GNAZ: variants seen among roughly 807,000 people sequenced by gnomAD.
GNAZ encodes the protein guanine nucleotide-binding protein G(z) subunit alpha.
In GNAZ, 3 loss-of-function variants were observed where a neutral mutation model predicts 25.4. That is an observed-to-expected ratio of 0.12 (90% CI 0.05 to 0.30). The LOEUF (loss-of-function observed/expected upper bound fraction) is 0.30, where lower values mean the gene tolerates loss of function less well. Ranked by LOEUF, GNAZ falls within the 10% of genes least tolerant of loss-of-function variation. The probability of loss-of-function intolerance (pLI) is 1.00; values close to 1 mark genes in which losing one functional copy is unlikely to be tolerated. For missense variants in GNAZ, 241 were observed against 501.8 expected (o/e 0.48, Z 4.97); for synonymous variants, 211 against 205.7 (o/e 1.03, Z -0.22).
chr22:23,117,888 C>A (rs549502987), intron 2 of GNAZ, among the ~76,000 whole-genome samples: 1 of 152,308 alleles, frequency 6.6e-6, no homozygotes, highest in African/African-American at 2.4e-5. Context: ...TCACCACCCC[C>A]ACAACTAACC....
chr22:23,123,894 C>T lies in GNAZ; in HGVS notation c.*463C>T, dbSNP rs1014736386. 3 of 213,178 alleles carry T rather than the reference C, an allele frequency of 1.4e-5. No homozygotes were observed. Among genetic ancestry groups the T allele is most frequent in the South Asian group, 8.0e-5 (1 of 12,492 alleles). The allele number at this position is 213,178 out of a possible 1,614,324, so 13.2% of individuals were successfully genotyped here. A position where few individuals can be genotyped will look rare whatever the true frequency, so the allele number is the denominator to read the frequency against. On this transcript the variant is annotated 3_prime_UTR_variant, in exon 3 of 3. Coordinates refer to ENST00000615612, the MANE Select transcript of GNAZ (RefSeq NM_002073.4). ...CCGAGCTCTGGCCTAGGGACCTTGC[C>T]GCTGACCAAGAGGGAGGACCAGTGC...
In GNAZ at chr22:23,075,680, G is replaced by T. The variant is rs574707600; in HGVS notation, c.-450+5110G>T. ...GGGCCTTACACATAGTGTCAAGCCC[G>T]GGGGTGTTCCTTCTAGCAGCCTCCA... is the stretch of plus-strand genomic sequence containing the variant. On this transcript the variant is annotated intron_variant, in intron 1 of 2. Transcript: ENST00000615612. Among the ~76,000 whole-genome samples, 3 of 152,224 alleles carry T rather than the reference G, an allele frequency of 2.0e-5. No individual in the cohort carries two copies. The South Asian group carries it at 6.2e-4, about 32-fold the overall frequency.
At chr22:23,111,759 TGGGCAAGCGGCCAGGCTCCACA>T (rs761817019) in intron 2 of GNAZ, among the ~76,000 whole-genome samples, 1 of 152,162 alleles carries the variant, frequency 6.6e-6, no homozygotes, top group Non-Finnish European at 1.5e-5. Flanking sequence ...AGCAGGGTCG[TGGGCAAGCGGCCAGGCTCCACA>T]GGGCAAGCCC....
At position 23,095,056 on chromosome 22, in the gene GNAZ, C is replaced by T. The variant is rs575786112; in HGVS notation, c.-449-191C>T. Among the ~76,000 whole-genome samples the T allele has an allele frequency of 5.9e-5, 9 of 152,350 alleles. No individual in the cohort carries two copies. In the South Asian group the frequency reaches 1.9e-3, roughly 32 times the overall value. ...TTCAGGTGGACTGTCCAGGCAACAGCAGACATATGTGTTACACCATGGTGT... is the reference window on the plus strand; with the variant it reads ...TTCAGGTGGACTGTCCAGGCAACAGTAGACATATGTGTTACACCATGGTGT... On this transcript the variant is annotated intron_variant, in intron 1 of 2. Coordinates refer to ENST00000615612, the MANE Select transcript of GNAZ (RefSeq NM_002073.4).
chr22:23,086,634 C>A (rs758741650), intron 1 of GNAZ, among the ~76,000 whole-genome samples: 1 of 152,196 alleles, frequency 6.6e-6, no homozygotes, highest in Non-Finnish European at 1.5e-5. Context: ...AGACCCTCCC[C>A]GGGGCCCAGC....
intron 2 of GNAZ, among the ~76,000 whole-genome samples, chr22:23,104,839 G>A (rs2069413922): frequency 6.6e-6 from 1 of 152,218 alleles, no homozygotes; most frequent in Non-Finnish European, 1.5e-5. Context: ...GGCCCCACTG[G>A]CTCAGTCTAG....
intron 2 of GNAZ, among the ~76,000 whole-genome samples, chr22:23,119,470 T>A (rs1411474073): frequency 1.3e-5 from 2 of 152,202 alleles, no homozygotes; most frequent in East Asian, 3.8e-4. Context: ...TGCAGGCCTC[T>A]GGTCTAGGAA....
chr22:23,094,586 CCTT>C (rs1353942578), intron 1 of GNAZ, among the ~76,000 whole-genome samples: 3 of 152,240 alleles, frequency 2.0e-5, no homozygotes, highest in Non-Finnish European at 2.9e-5. Flanking sequence ...CCCTCTACCT[CCTT>C]CTGCAGGAGT....
intron 1 of GNAZ, among the ~76,000 whole-genome samples, chr22:23,088,189 C>T (rs191906824): frequency 2.0e-5 from 3 of 152,298 alleles, no homozygotes; most frequent in Non-Finnish European, 4.4e-5. Context: ...CCCATACTCA[C>T]GCAGCAAGTC....
chr22:23,117,375 C>G (rs959989951), intron 2 of GNAZ, among the ~76,000 whole-genome samples: 5 of 152,224 alleles, frequency 3.3e-5, no homozygotes, highest in African/African-American at 9.7e-5. Flanking sequence ...GCCACAGGAG[C>G]CTCCCAAAGA....
intron 1 of GNAZ, among the ~76,000 whole-genome samples, chr22:23,080,409 A>G (rs2068643059): frequency 1.3e-5 from 2 of 152,096 alleles, no homozygotes; most frequent in African/African-American, 4.8e-5. Context: ...GCAGAAGGAC[A>G]CTGGGAGGCC....
intron 2 of GNAZ, among the ~76,000 whole-genome samples, chr22:23,105,166 C>T (rs1272439025): frequency 6.6e-6 from 1 of 152,222 alleles, no homozygotes; most frequent in Non-Finnish European, 1.5e-5. Flanking sequence ...GCCACGGCCA[C>T]AGCCCCACAC....
intron 1 of GNAZ, among the ~76,000 whole-genome samples, chr22:23,093,123 T>C (rs1440711900): frequency 6.6e-6 from 1 of 152,228 alleles, no homozygotes. Flanking sequence ...CATGTACATG[T>C]CATCTTTAAG....
chr22:23,115,420 G>C (rs556117295), intron 2 of GNAZ, among the ~76,000 whole-genome samples: 28 of 152,328 alleles, frequency 1.8e-4, no homozygotes, highest in African/African-American at 6.5e-4. Flanking sequence ...AAGGGTCAGG[G>C]TTTGGGAAGG....
intron 1 of GNAZ, among the ~76,000 whole-genome samples, chr22:23,087,834 G>T (rs1039045928): frequency 1.2e-4 from 19 of 152,196 alleles, no homozygotes; most frequent in Admixed American, 1.2e-3. Flanking sequence ...CAAGTGCAGG[G>T]TCTGCAATAT....
chr22:23,091,553 T>C (rs2068977845), intron 1 of GNAZ, among the ~76,000 whole-genome samples: 1 of 150,640 alleles, frequency 6.6e-6, no homozygotes, highest in Non-Finnish European at 1.5e-5. Context: ...CAGGGAGCTA[T>C]GCATACATGC....
chr22:23,111,472 G>A (rs2069657217), intron 2 of GNAZ, among the ~76,000 whole-genome samples: 1 of 152,256 alleles, frequency 6.6e-6, no homozygotes, highest in Admixed American at 6.5e-5. Context: ...AAACGGAGAT[G>A]CCAAGGCAGT....
intron 2 of GNAZ, among the ~76,000 whole-genome samples, chr22:23,102,608 C>G (rs1202652988): frequency 6.6e-6 from 1 of 152,226 alleles, no homozygotes; most frequent in East Asian, 1.9e-4. Flanking sequence ...GGGCTGCCCC[C>G]ACACCTGCTC....
At chr22:23,095,225 C>T (rs533810761) in intron 1 of GNAZ, 22 bp from the exon 2 acceptor site, 43 of 172,532 alleles carry the variant, frequency 2.5e-4, no homozygotes, top group Middle Eastern at 2.9e-3. Context: ...AGGAGGCTCA[C>T]GCTTTTCTCT....
Sources: gnomAD v4.1 joint callset for allele counts (sites outside exome capture counted in the v4.1 genomes callset) on GRCh38, gnomAD v4.1.1 for gene constraint, MANE v1.5 for transcripts, NCBI Gene and HGNC (gene_info 2026-07-23, HGNC 2026-07-21) for gene names.